Variants in IQCK observed in about 807,000 individuals in gnomAD.
IQCK encodes the protein IQ domain-containing protein K.
A neutral mutation model predicts 28.1 loss-of-function variants in IQCK; 29 were observed. That is an observed-to-expected ratio of 1.03 (90% CI 0.77 to 1.41). The LOEUF (loss-of-function observed/expected upper bound fraction) is 1.41. IQCK is among the 40% of genes most tolerant of loss of function. The pLI, the probability that IQCK is intolerant of heterozygous loss-of-function variation, is 0.00. For missense variants in IQCK, 359 were observed against 314.7 expected (o/e 1.14, Z -1.07); for synonymous variants, 113 against 115.1 (o/e 0.98, Z 0.12).
chr16:19,763,587 T>G (rs1379774294), intron 4 of IQCK, among the ~76,000 whole-genome samples: 1 of 152,044 alleles, frequency 6.6e-6, no homozygotes. Context: ...GGACTACAGG[T>G]GCCCACCACC....
intron 4 of IQCK, chr16:19,762,086 A>T (rs1309315905): frequency 6.6e-6 from 1 of 152,582 alleles, no homozygotes; most frequent in African/African-American, 2.4e-5. Context: ...ATTTTCTCAG[A>T]GGTCCCTAGA....
chr16:19,756,888 C>A (rs2055060093), intron 4 of IQCK, among the ~76,000 whole-genome samples: 1 of 138,962 alleles, frequency 7.2e-6, no homozygotes, highest in African/African-American at 3.0e-5. Flanking sequence ...CAGAGCAAGG[C>A]TCCATGTCAA....
At chr16:19,760,391 A>G (rs954775865) in intron 4 of IQCK, among the ~76,000 whole-genome samples, 1 of 152,110 alleles carries the variant, frequency 6.6e-6, no homozygotes, top group Non-Finnish European at 1.5e-5. Flanking sequence ...ATCATCAAGG[A>G]TCTGCCACTG....
chr16:19,719,802 T>C (rs1977428949), intron 1 of IQCK, among the ~76,000 whole-genome samples: 1 of 150,356 alleles, frequency 6.7e-6, no homozygotes, highest in Non-Finnish European at 1.5e-5. Context: ...ATCTCCTGAG[T>C]AGCTGGGATT....
intron 4 of IQCK, among the ~76,000 whole-genome samples, chr16:19,759,556 G>A (rs898247188): frequency 3.9e-5 from 6 of 152,146 alleles, no homozygotes; most frequent in African/African-American, 1.2e-4. Context: ...AAAAAGACAT[G>A]TATATGTGGC....
chr16:19,844,718 T>A (rs1295637237), intron 9 of IQCK, among the ~76,000 whole-genome samples: 1 of 152,176 alleles, frequency 6.6e-6, no homozygotes, highest in Non-Finnish European at 1.5e-5. Context: ...TTAATTCCCA[T>A]CCTCTTTCTT....
chr16:19,726,167 G>A (rs1319731467), intron 1 of IQCK, among the ~76,000 whole-genome samples: 1 of 151,060 alleles, frequency 6.6e-6, no homozygotes, highest in African/African-American at 2.5e-5. Flanking sequence ...GCCCGCCTCG[G>A]CCTCCCAAAG....
intron 9 of IQCK, among the ~76,000 whole-genome samples, chr16:19,849,776 AAAAG>A (rs1329457047): frequency 1.3e-5 from 2 of 151,982 alleles, no homozygotes; most frequent in African/African-American, 4.8e-5. Context: ...AAAAAAAAGA[AAAAG>A]AAAAGAAAAA....
rs554325595 is a variant in IQCK, at chr16:19,851,032, C to T, written c.803-5455C>T. On this transcript the variant is annotated intron_variant, in intron 9 of 9. Coordinates refer to the IQCK transcript ENST00000320394. ...GAGCGAGACCTGGTCTCAATAAAAA[C>T]GCGAATAATAATAGCTGATATTTAT... 1.3e-3 allele frequency among the ~76,000 whole-genome samples: 197 copies of T among 152,258 alleles called. 1 individual carries two copies. The highest frequency in any genetic ancestry group is 1.9e-3 in the Non-Finnish European group (131 of 68,030).
intron 1 of IQCK, among the ~76,000 whole-genome samples, chr16:19,725,546 G>A (rs778848498): frequency 6.6e-6 from 1 of 152,276 alleles, no homozygotes; most frequent in East Asian, 1.9e-4. Flanking sequence ...GAGCAGATAA[G>A]CACACTTTTC....
At chr16:19,724,347 C>T (rs2151673483) in intron 1 of IQCK, among the ~76,000 whole-genome samples, 1 of 152,202 alleles carries the variant, frequency 6.6e-6, no homozygotes, top group South Asian at 2.1e-4. Context: ...TCATTCATCC[C>T]CTCTCTGGAA....
chr16:19,731,345 G>GGTAAC (rs1977830314), intron 2 of IQCK, among the ~76,000 whole-genome samples: 1 of 152,156 alleles, frequency 6.6e-6, no homozygotes, highest in South Asian at 2.1e-4. Flanking sequence ...ACTTGAGCAC[G>GGTAAC]GTAACACGGA....
intron 6 of IQCK, among the ~76,000 whole-genome samples, chr16:19,779,273 A>G (rs570549186): frequency 6.6e-6 from 1 of 152,320 alleles, no homozygotes; most frequent in East Asian, 1.9e-4. Flanking sequence ...AGGAGGAAGT[A>G]AAATAAATTG....
chr16:19,832,030 A>G (rs537819120), downstream of IQCK, among the ~76,000 whole-genome samples: 58 of 152,290 alleles, frequency 3.8e-4, no homozygotes, highest in Admixed American at 5.2e-4. Context: ...TTAAAATAAG[A>G]TGCCCAAGTC....
chr16:19,850,927 G>A (rs1164084743), intron 9 of IQCK, among the ~76,000 whole-genome samples: 1 of 152,176 alleles, frequency 6.6e-6, no homozygotes, highest in Admixed American at 6.5e-5. Context: ...GGAGGCTGAA[G>A]TGGAAGGACC....
chr16:19,734,026 G>A (rs1977926088), intron 3 of IQCK, 199 bp downstream of exon 3: 2 of 503,712 alleles, frequency 4.0e-6, no homozygotes, highest in Non-Finnish European at 6.9e-6. Flanking sequence ...AAGATAATAA[G>A]TAACAAAAAG....
At chr16:19,764,986 A>G (rs1160985134) in intron 6 of IQCK, among the ~76,000 whole-genome samples, 1 of 136,750 alleles carries the variant, frequency 7.3e-6, no homozygotes, top group Non-Finnish European at 1.6e-5. Context: ...GGCGTGAGCC[A>G]CCGTGCCCGG....
chr16:19,820,314 C>T (rs974283260), intron 7 of IQCK, among the ~76,000 whole-genome samples: 1 of 151,974 alleles, frequency 6.6e-6, no homozygotes, highest in South Asian at 2.1e-4. Context: ...GTCAGGAGTT[C>T]GAGACCAGCC....
intron 4 of IQCK, among the ~76,000 whole-genome samples, 190 bp from the exon 5 acceptor site, chr16:19,763,658 G>C (rs570798083): frequency 1.3e-5 from 2 of 152,164 alleles, no homozygotes; most frequent in Non-Finnish European, 2.9e-5. Flanking sequence ...GGCCAGACTG[G>C]TCTCGAACTC....
Sources: gnomAD v4.1 joint callset for allele counts (sites outside exome capture counted in the v4.1 genomes callset) on GRCh38, gnomAD v4.1.1 for gene constraint, MANE v1.5 for transcripts, NCBI Gene and HGNC (gene_info 2026-07-23, HGNC 2026-07-21) for gene names.